The following XIST variants were observed in gnomAD, a reference collection of about 807,000 sequenced individuals.
XIST encodes X inactive specific transcript.
At chrX:73,841,538 T>C (rs1179521047) in exon 1 of XIST, 1 of 556,816 alleles carries the variant, frequency 1.8e-6, no homozygotes, top group Non-Finnish European at 3.2e-6. Context: ...TGACTAGTTA[T>C]TTGCTTGAGC....
At chrX:73,840,865 T>C (rs1922573838) in intron 1 of XIST, among the ~76,000 whole-genome samples, 2 of 111,274 alleles carry the variant, frequency 1.8e-5, no homozygotes, top group African/African-American at 6.5e-5. Context: ...AAAAAACAAA[T>C]GAAATTAAAA....
Position 73,842,202 on chromosome X carries a change from TCTGGCTGTATC to T in XIST, n.10511_10521del, listed in dbSNP as rs749949850. 1.7e-4 allele frequency: 87 copies of T among 512,033 alleles called. No individual in the cohort carries two copies. The highest frequency in any genetic ancestry group is 2.8e-5 in the Non-Finnish European group (8 of 286,798). The allele number at this position is 512,033 out of a possible 1,213,427, so 42.2% of individuals were successfully genotyped here. On this transcript the variant is annotated non_coding_transcript_exon_variant, in exon 1 of 6. Coordinates refer to ENST00000429829, the Ensembl canonical transcript of XIST. ...TTTTTTAATAATAATAAGCAATTTT[TCTGGCTGTATC>T]CTGGCATTTGGCACTTTACAATAAC...
At chrX:73,821,169 A>G in exon 6 of XIST, 1 of 557,372 alleles carries the variant, frequency 1.8e-6, no homozygotes, top group Non-Finnish European at 3.2e-6. Flanking sequence ...TTCAAATCTG[A>G]TGTCTAACTA....
At chrX:73,825,157 A>T in exon 6 of XIST, 1 of 531,139 alleles carries the variant, frequency 1.9e-6, no homozygotes, top group Non-Finnish European at 3.4e-6. Context: ...CAACAAGCTT[A>T]GTCCCTTATG....
chrX:73,837,483 C>A, exon 2 of XIST: 4 of 508,884 alleles, frequency 7.9e-6, no homozygotes, highest in Non-Finnish European at 1.4e-5. Flanking sequence ...ACACATGCAG[C>A]GTGGTATCTT....
intron 2 of XIST, among the ~76,000 whole-genome samples, chrX:73,834,114 A>G (rs1056111171): frequency 8.9e-6 from 1 of 112,211 alleles, no homozygotes; most frequent in Non-Finnish European, 1.9e-5. Context: ...TAGATACTTG[A>G]CTTCCAAATG....
chrX:73,843,036 A>G (rs969814042), exon 1 of XIST: 20 of 556,630 alleles, frequency 3.6e-5, no homozygotes, highest in Non-Finnish European at 5.8e-5. Flanking sequence ...AGACAAGTGC[A>G]TGGAATACTC....
exon 1 of XIST, chrX:73,848,270 A>T (rs775616362): frequency 1.8e-6 from 1 of 553,939 alleles, no homozygotes; most frequent in South Asian, 2.3e-5. Flanking sequence ...CTAACAGCAG[A>T]TAGGGAAATT....
chrX:73,850,357 A>T (rs1289079217), exon 1 of XIST: 1 of 535,359 alleles, frequency 1.9e-6, no homozygotes, highest in African/African-American at 2.3e-5. Context: ...AAACTCATTA[A>T]ATGTAATTAA....
At chrX:73,848,198 T>C (rs776021785) in exon 1 of XIST, 2 of 557,316 alleles carry the variant, frequency 3.6e-6, no homozygotes, top group South Asian at 4.5e-5. Context: ...ATTATGCGCA[T>C]TAACAGTCCC....
chrX:73,826,579 CAGG>C (rs1278859977), exon 6 of XIST: 1 of 559,034 alleles, frequency 1.8e-6, no homozygotes, highest in East Asian at 3.2e-5. Flanking sequence ...TAAAGATAAA[CAGG>C]AGAACTGGAA....
chrX:73,821,466 A>G lies in XIST; in HGVS notation n.18435T>C, dbSNP rs769591682. ...TCCATTCTTACCTAACACAAGGTTT[A>G]GTTGATAAGCACTTGGACAAAAATA... On this transcript the variant is annotated non_coding_transcript_exon_variant, in exon 6 of 6. Transcript: ENST00000429829. 3 of 557,209 alleles carry G rather than the reference A, an allele frequency of 5.4e-6. No homozygotes were observed. In the East Asian group the frequency reaches 9.7e-5, roughly 18 times the overall value. 45.9% of individuals were successfully genotyped at this position (557,209 alleles called of 1,213,427 possible).
At chrX:73,836,994 C>T (rs1922494743) in intron 2 of XIST, among the ~76,000 whole-genome samples, 1 of 111,480 alleles carries the variant, frequency 9.0e-6, no homozygotes, top group Non-Finnish European at 1.9e-5. Flanking sequence ...TGAATAAACA[C>T]AATACATTGT....
rs186725726 is a variant in XIST at position 73,828,172 on chromosome X, C to T, written n.11917-188G>A. On this transcript the variant is annotated intron_variant and non_coding_transcript_variant, in intron 5 of 5. Coordinates refer to ENST00000429829, the Ensembl canonical transcript of XIST. ...ACTACTTATAGTACTACAATAATAA[C>T]AACCACCAATACCAACACAGATGCT... The T allele has an allele frequency of 4.8e-3, 1,872 of 393,572 alleles. 25 individuals carry two copies. The highest frequency in any genetic ancestry group is 0.042 in the African/African-American group (1,678 of 39,603). The allele number at this position is 393,572 out of a possible 1,213,427, so 32.4% of individuals were successfully genotyped here.
At chrX:73,827,429 T>C in exon 6 of XIST, 1 of 547,628 alleles carries the variant, frequency 1.8e-6, no homozygotes, top group Non-Finnish European at 3.3e-6. Flanking sequence ...AGAGAACAAA[T>C]ACAAGCCAAC....
At position 73,851,727 on chromosome X, in the gene XIST, C is replaced by T. The variant is rs746471919; in HGVS notation, n.997G>A. Reference sequence around the variant, plus strand: ...TTAGCTCATGCAATGCACATGACTTCCTCTGCCTGACCTGCTATCATCCAT... The same window carrying T: ...TTAGCTCATGCAATGCACATGACTTTCTCTGCCTGACCTGCTATCATCCAT... On this transcript the variant is annotated non_coding_transcript_exon_variant, in exon 1 of 6. Coordinates refer to ENST00000429829, the Ensembl canonical transcript of XIST. 7 of 559,075 alleles carry T rather than the reference C, an allele frequency of 1.3e-5. No individual in the cohort carries two copies. The East Asian group carries it at 1.6e-4, about 13-fold the overall frequency. The allele number at this position is 559,075 out of a possible 1,213,427, so 46.1% of individuals were successfully genotyped here.
chrX:73,830,028 C>T (rs1922349100), intron 4 of XIST, among the ~76,000 whole-genome samples: 1 of 110,157 alleles, frequency 9.1e-6, no homozygotes, highest in South Asian at 3.9e-4. Context: ...TTTCAAAACT[C>T]ACAATATTGC....
exon 6 of XIST, chrX:73,823,309 C>CTTTTTTTTTTT: frequency 2.3e-6 from 1 of 440,199 alleles, no homozygotes; most frequent in Non-Finnish European, 3.9e-6. Flanking sequence ...ATTTTTCTTT[C>CTTTTTTTTTTT]TTTTTTTTTT....
At chrX:73,826,579 C>A in exon 6 of XIST, 1 of 559,034 alleles carries the variant, frequency 1.8e-6, no homozygotes, top group Non-Finnish European at 3.2e-6. Flanking sequence ...TAAAGATAAA[C>A]AGGAGAACTG....
Sources: allele counts gnomAD v4.1 joint callset (sites outside exome capture counted in the v4.1 genomes callset), GRCh38; gene constraint gnomAD v4.1.1; transcripts MANE v1.5; gene names NCBI Gene and HGNC (gene_info 2026-07-23, HGNC 2026-07-21).